The following CNTLN variants were observed in gnomAD, a reference collection of about 807,000 sequenced individuals.
CNTLN encodes centlein.
A neutral mutation model predicts 180.0 loss-of-function variants in CNTLN; 212 were observed. The observed-to-expected ratio is 1.18, with a 90% CI of 1.05 to 1.32. The LOEUF (loss-of-function observed/expected upper bound fraction) is 1.32. CNTLN is among the 40% of genes most tolerant of loss of function. The pLI, the probability that CNTLN is intolerant of heterozygous loss-of-function variation, is 0.00. For synonymous variants in CNTLN, 722 were observed against 563.1 expected (o/e 1.28, Z -3.99); for missense variants, 2,095 against 1,610.9 (o/e 1.30, Z -5.14).
At chr9:17,199,918 T>C (rs994697633) in intron 2 of CNTLN, among the ~76,000 whole-genome samples, 1 of 152,236 alleles carries the variant, frequency 6.6e-6, no homozygotes, top group Non-Finnish European at 1.5e-5. Flanking sequence ...TGCCCTTGCC[T>C]ATGTCCTGAA....
At chr9:17,464,423 TG>T in intron 20 of CNTLN, 73 bp from the exon 21 acceptor site, 1 of 1,286,728 alleles carries the variant, frequency 7.8e-7, no homozygotes, top group Non-Finnish European at 1.1e-6. Context: ...GGTATAATAT[TG>T]GATAAAATGT....
intron 5 of CNTLN, among the ~76,000 whole-genome samples, chr9:17,263,178 G>A (rs1224833306): frequency 6.9e-6 from 1 of 145,308 alleles, no homozygotes; most frequent in Non-Finnish European, 1.5e-5. Context: ...ATCTCCTAAT[G>A]CTATCCCTCC....
intron 12 of CNTLN, among the ~76,000 whole-genome samples, chr9:17,351,180 C>G (rs966063775): frequency 2.0e-5 from 3 of 152,194 alleles, no homozygotes; most frequent in African/African-American, 7.2e-5. Context: ...TCACATTCTC[C>G]ATTGCCAGCT....
At chr9:17,391,225 C>CTG (rs1407094756) in intron 14 of CNTLN, among the ~76,000 whole-genome samples, 1 of 152,176 alleles carries the variant, frequency 6.6e-6, no homozygotes, top group Non-Finnish European at 1.5e-5. Context: ...TTCTTGCCCT[C>CTG]TGTGTAGACT....
At chr9:17,435,025 C>T (rs561177452) in intron 18 of CNTLN, among the ~76,000 whole-genome samples, 9 of 152,098 alleles carry the variant, frequency 5.9e-5, no homozygotes, top group Non-Finnish European at 1.3e-4. Context: ...TAGTCCATTA[C>T]TTAAATTTTG....
At chr9:17,239,290 A>G (rs1306981259) in intron 5 of CNTLN, among the ~76,000 whole-genome samples, 1 of 152,186 alleles carries the variant, frequency 6.6e-6, no homozygotes, top group African/African-American at 2.4e-5. Flanking sequence ...TCCTGATGGG[A>G]AATGACGGTG....
At chr9:17,486,486 G>A (rs1832893916) in intron 24 of CNTLN, among the ~76,000 whole-genome samples, 1 of 152,054 alleles carries the variant, frequency 6.6e-6, no homozygotes, top group Non-Finnish European at 1.5e-5. Flanking sequence ...AAGTTGGAGT[G>A]TCCCTGGCCT....
chr9:17,366,349 GC>G (rs1221199296), intron 12 of CNTLN, among the ~76,000 whole-genome samples: 1 of 152,056 alleles, frequency 6.6e-6, no homozygotes, highest in Non-Finnish European at 1.5e-5. Flanking sequence ...TCTCTGTGTT[GC>G]CCAGGCTGGT....
chr9:17,158,763 G>A lies in CNTLN; in HGVS notation c.449+15387G>A, dbSNP rs187560168. Among the ~76,000 whole-genome samples, 226 of 151,928 alleles carry A rather than the reference G, an allele frequency of 1.5e-3. 2 individuals are homozygous for A. Among genetic ancestry groups the A allele is most frequent in the African/African-American group, 5.2e-3 (216 of 41,476 alleles). On this transcript the variant is annotated intron_variant, in intron 2 of 25. Transcript: ENST00000380647. Reference sequence around the variant, plus strand: ...GTAATTTTAGGCTTCTCTTTATCATGATCAGTCTAGCTAAAGGTTTGTCAA... The same window carrying A: ...GTAATTTTAGGCTTCTCTTTATCATAATCAGTCTAGCTAAAGGTTTGTCAA...
At chr9:17,201,177 G>T (rs1822499036) in intron 2 of CNTLN, among the ~76,000 whole-genome samples, 1 of 152,226 alleles carries the variant, frequency 6.6e-6, no homozygotes, top group Non-Finnish European at 1.5e-5. Context: ...TCCTATGGAT[G>T]AAGCCGTCTT....
intron 18 of CNTLN, among the ~76,000 whole-genome samples, chr9:17,457,064 C>T (rs1186290011): frequency 6.6e-6 from 1 of 152,138 alleles, no homozygotes; most frequent in East Asian, 1.9e-4. Flanking sequence ...TTGGACTTAA[C>T]ATTTATGTTG....
intron 2 of CNTLN, among the ~76,000 whole-genome samples, chr9:17,220,140 C>G (rs1300981777): frequency 6.6e-6 from 1 of 152,098 alleles, no homozygotes; most frequent in Non-Finnish European, 1.5e-5. Flanking sequence ...ACATGCATTT[C>G]TAACCTGGGT....
chr9:17,335,471 C>G (rs542590192), intron 10 of CNTLN, among the ~76,000 whole-genome samples: 1 of 152,024 alleles, frequency 6.6e-6, no homozygotes, highest in Non-Finnish European at 1.5e-5. Context: ...GAGTCGAGAT[C>G]GTACCACTGC....
intron 5 of CNTLN, among the ~76,000 whole-genome samples, chr9:17,267,470 C>T (rs1396735476): frequency 1.3e-5 from 2 of 152,088 alleles, no homozygotes; most frequent in Non-Finnish European, 2.9e-5. Context: ...CTGCCCTTAA[C>T]ATTTTTTCCT....
At chr9:17,423,557 C>G (rs143491898) in intron 18 of CNTLN, among the ~76,000 whole-genome samples, 123 of 152,268 alleles carry the variant, frequency 8.1e-4, no homozygotes, top group African/African-American at 2.9e-3. Context: ...CAACTGATGT[C>G]TCAGTGGGTT....
chr9:17,168,320 G>C (rs888067961), intron 2 of CNTLN: 2 of 152,102 alleles, frequency 1.3e-5, no homozygotes, highest in African/African-American at 4.8e-5. Flanking sequence ...GAAGGAAAAA[G>C]ATTATGTTCC....
At position 17,502,721 on chromosome 9, in the gene CNTLN, G is replaced by C; in HGVS notation, c.*69G>C. On this transcript the variant is annotated 3_prime_UTR_variant, in exon 26 of 26. Coordinates refer to ENST00000380647, the MANE Select transcript of CNTLN (RefSeq NM_017738.4). ...GTGGTGTGATTGGAATACATGCATT[G>C]CAATCCTGACACGGTATCTGCTCCA... 3.7e-6 allele frequency: 2 copies of C among 543,140 alleles called. No homozygotes were observed. Among genetic ancestry groups the C allele is most frequent in the Non-Finnish European group, 6.4e-6 (2 of 312,126 alleles). 33.6% of individuals were successfully genotyped at this position (543,140 alleles called of 1,614,324 possible). A position where few individuals can be genotyped will look rare whatever the true frequency, so the allele number is the denominator to read the frequency against.
At chr9:17,177,121 G>A (rs1213424279) in intron 2 of CNTLN, among the ~76,000 whole-genome samples, 1 of 151,888 alleles carries the variant, frequency 6.6e-6, no homozygotes, top group Non-Finnish European at 1.5e-5. Flanking sequence ...ATAATTTTCA[G>A]TTTCTTGGCT....
At chr9:17,196,441 A>C (rs1270149919) in intron 2 of CNTLN, among the ~76,000 whole-genome samples, 1 of 152,144 alleles carries the variant, frequency 6.6e-6, no homozygotes, top group East Asian at 1.9e-4. Flanking sequence ...ATATATACAT[A>C]AAAATTTAGT....
Sources: allele counts gnomAD v4.1 joint callset (sites outside exome capture counted in the v4.1 genomes callset), GRCh38; gene constraint gnomAD v4.1.1; transcripts MANE v1.5; gene names NCBI Gene and HGNC (gene_info 2026-07-23, HGNC 2026-07-21).